YARS2: variants seen among roughly 807,000 people sequenced by gnomAD.
YARS2 encodes the protein tyrosyl-tRNA synthetase 2, also known as tyrosine--tRNA ligase, mitochondrial.
YARS2 carries 38 observed loss-of-function variants against 45.0 expected under a neutral mutation model. That is an observed-to-expected ratio of 0.84 (90% CI 0.65 to 1.11). The LOEUF is 1.11. Ranked by LOEUF, YARS2 falls within the 50% of genes least tolerant of loss-of-function variation. YARS2 has a pLI of 0.00. For synonymous variants in YARS2, 287 were observed against 245.1 expected (o/e 1.17, Z -1.60); for missense variants, 602 against 599.8 (o/e 1.00, Z -0.04).
intron 4 of YARS2, 21 bp downstream of exon 4, chr12:32,749,915 TC>T: frequency 6.2e-7 from 1 of 1,613,514 alleles, no homozygotes; most frequent in East Asian, 2.2e-5. Flanking sequence ...TAACTGTAAA[TC>T]TAAAAGTTAA....
In YARS2 at chr12:32,755,777, G is replaced by A. The variant is rs748941040; in HGVS notation, c.98C>T (p.Ser33Leu). The A allele has an allele frequency of 9.9e-6, 16 of 1,613,780 alleles. No homozygotes were observed. Among genetic ancestry groups the A allele is most frequent in the East Asian group, 6.7e-5 (3 of 44,884 alleles). The change falls in exon 1 of 5, where the codon TCG becomes TTG. Residue 33 changes from serine to leucine, a missense_variant. By Grantham distance (145) the Ser-to-Leu change is moderately radical (BLOSUM62 -2). Transcript: ENST00000324868. ...CGCTGCCAGTAACCCCTGAGCGCCC[G>A]AGTGGGCCTTACGCAGCCCCAAGGG... Reference protein sequence around the residue: ...LLPLGLRKAHSGAQGLLAAQK... With the variant: ...LLPLGLRKAHLGAQGLLAAQK...
chr12:32,755,886 C>T lies in YARS2; in HGVS notation c.-12G>A. 1 of 1,612,762 alleles carries T rather than the reference C, an allele frequency of 6.2e-7. No individual in the cohort carries two copies. Among genetic ancestry groups the T allele is most frequent in the Non-Finnish European group, 8.5e-7 (1 of 1,179,984 alleles). On this transcript the variant is annotated 5_prime_UTR_variant, in exon 1 of 5. Coordinates refer to ENST00000324868, the MANE Select transcript of YARS2 (RefSeq NM_001040436.3). ...ATGGGCGCCGCCATCTTGGTAGCGG[C>T]ACGAAGGGAATGCTGGGATTGCAGA...
At chr12:32,749,099 T>C (rs1955692138) in intron 4 of YARS2, among the ~76,000 whole-genome samples, 1 of 152,362 alleles carries the variant, frequency 6.6e-6, no homozygotes, top group African/African-American at 2.4e-5. Flanking sequence ...TTTACAATAA[T>C]AGTCTTATGA....
chr12:32,754,468 C>A (rs1359944223), intron 1 of YARS2, among the ~76,000 whole-genome samples: 1 of 152,160 alleles, frequency 6.6e-6, no homozygotes, highest in Non-Finnish European at 1.5e-5. Context: ...TCACCTCTCT[C>A]AAGAAAATGC....
intron 2 of YARS2, among the ~76,000 whole-genome samples, chr12:32,751,857 C>G (rs10771989): frequency 1.3e-5 from 2 of 152,090 alleles, no homozygotes; most frequent in Non-Finnish European, 2.9e-5. Flanking sequence ...GCTCCTGTTG[C>G]GCAGCCCTGT....
chr12:32,747,152 C>G lies in YARS2; in HGVS notation c.*52G>C. 1 of 1,598,984 alleles carries G rather than the reference C, an allele frequency of 6.3e-7. No individual in the cohort carries two copies. The highest frequency in any genetic ancestry group is 2.3e-4 in the Middle Eastern group (1 of 4,392). On this transcript the variant is annotated 3_prime_UTR_variant, in exon 5 of 5. Coordinates refer to ENST00000324868, the MANE Select transcript of YARS2 (RefSeq NM_001040436.3). ...GTTCTGGAGCCAACCCTTCAGAGGT[C>G]TTGAGAATGAATGATGGGTAAGTTT...
intron 2 of YARS2, among the ~76,000 whole-genome samples, chr12:32,751,260 G>A (rs1250933160): frequency 2.0e-5 from 3 of 151,482 alleles, no homozygotes; most frequent in African/African-American, 2.4e-5. Context: ...GTAAAGACGG[G>A]GTCTCCTGTG....
At position 32,746,675 on chromosome 12, in the gene YARS2, T is replaced by C. The variant is rs1014967224; in HGVS notation, c.*529A>G. On this transcript the variant is annotated 3_prime_UTR_variant, in exon 5 of 5. Transcript: ENST00000324868. ...AGCTCAGCCTCTTGAGTAGCTGGGG[T>C]TACAGGTGCCTGCAACCACATCTGG... The C allele has an allele frequency of 1.9e-5, 3 of 157,016 alleles. No homozygotes were observed. The highest frequency in any genetic ancestry group is 7.3e-5 in the African/African-American group (3 of 41,358). The allele number at this position is 157,016 out of a possible 1,614,324, so 9.7% of individuals were successfully genotyped here. A position where few individuals can be genotyped will look rare whatever the true frequency, so the allele number is the denominator to read the frequency against.
chr12:32,750,214 T>C (rs10844339), intron 3 of YARS2, 107 bp from the exon 4 acceptor site: 5 of 1,382,228 alleles, frequency 3.6e-6, no homozygotes, highest in South Asian at 1.3e-5. Flanking sequence ...CTAAAAGTTT[T>C]TTTTTGAGAT....
rs762813092 is a variant in YARS2, at chr12:32,755,241, C to G, written c.634G>C (p.Glu212Gln). The change falls in exon 1 of 5, where the codon GAG becomes CAG. Residue 212 changes from glutamate (E) to glutamine (Q), a missense_variant. By Grantham distance (29) the Glu-to-Gln change is conservative. Coordinates refer to ENST00000324868, the MANE Select transcript of YARS2 (RefSeq NM_001040436.3). ...AAGAACTCGGCCAAGCTCATGCCCTCGGGGCTCTTGAGCCGCAGCTGCACG... is the reference window on the plus strand; with the variant it reads ...AAGAACTCGGCCAAGCTCATGCCCTGGGGGCTCTTGAGCCGCAGCTGCACG... Reference protein sequence around the residue: ...QSVQLRLKSPEGMSLAEFFYQ... With the variant: ...QSVQLRLKSPQGMSLAEFFYQ... The G allele has an allele frequency of 6.2e-7, 1 of 1,614,156 alleles. No individual in the cohort carries two copies. The highest frequency in any genetic ancestry group is 8.5e-7 in the Non-Finnish European group (1 of 1,180,032).
chr12:32,750,824 A>G lies in YARS2; in HGVS notation c.998T>C (p.Met333Thr), dbSNP rs1405794412. The change falls in exon 3 of 5, where the codon ATG becomes ACG. Residue 333 changes from methionine to threonine, a missense_variant. Coordinates refer to ENST00000324868, the MANE Select transcript of YARS2 (RefSeq NM_001040436.3). ...FLPLPEIDHI[M>T]QLHVKEPERR... ...TTCTGGCTCTTTGACATGCAGCTGC[A>G]TGATATGATCAATCTCTGGAAGGGG... is the stretch of plus-strand genomic sequence containing the variant. The G allele has an allele frequency of 6.2e-7, 1 of 1,614,210 alleles. No homozygotes were observed. The highest frequency in any genetic ancestry group is 8.5e-7 in the Non-Finnish European group (1 of 1,180,036).
In YARS2 at chr12:32,755,794, C is replaced by T; in HGVS notation, c.81G>A (p.Gly27=). Residue 27 remains glycine, a synonymous_variant, in exon 1 of 5, where the codon GGG becomes GGA. Coordinates refer to ENST00000324868, the MANE Select transcript of YARS2 (RefSeq NM_001040436.3). ...GAGCGCCCGAGTGGGCCTTACGCAG[C>T]CCCAAGGGCAACAATACTGAGAGAT... ...TLNLSVLLPL[G]LRKAHSGAQG... is the part of the protein sequence containing the mutation. The T allele has an allele frequency of 6.2e-7, 1 of 1,613,878 alleles. No individual in the cohort carries two copies.
chr12:32,751,320 A>T (rs1389307830), intron 2 of YARS2, among the ~76,000 whole-genome samples: 1 of 152,060 alleles, frequency 6.6e-6, no homozygotes, highest in Non-Finnish European at 1.5e-5. Flanking sequence ...CTCTTGTCTC[A>T]GCCTCCCAAA....
At chr12:32,749,875 C>G (rs1955705282) in intron 4 of YARS2, 62 bp downstream of exon 4, 1 of 1,598,692 alleles carries the variant, frequency 6.3e-7, no homozygotes, top group African/African-American at 1.3e-5. Context: ...CTTCTCCTGG[C>G]CTTGTGAACT....
In YARS2 at chr12:32,750,072, G is replaced by A. The variant is rs1185943012; in HGVS notation, c.1139C>T (p.Ala380Val). ...CTCCTGATCAGACATGACCTCCAGT[G>A]CATCTATGCTACTGTGATAAAGGGC... is the stretch of plus-strand genomic sequence containing the variant. Reference protein sequence around the residue: ...TQALYHSSIDALEVMSDQELK... With the variant: ...TQALYHSSIDVLEVMSDQELK... Residue 380 changes from alanine to valine, a missense_variant, in exon 4 of 5, where the codon GCA becomes GTA. Ala to Val is a moderately conservative substitution (Grantham distance 64). Coordinates refer to ENST00000324868, the MANE Select transcript of YARS2 (RefSeq NM_001040436.3). 6.2e-7 allele frequency: 1 copy of A among 1,613,994 alleles called. No individual in the cohort carries two copies. Among genetic ancestry groups the A allele is most frequent in the Admixed American group, 1.7e-5 (1 of 60,008 alleles).
At chr12:32,750,494 C>G (rs983344668) in intron 3 of YARS2, among the ~76,000 whole-genome samples, 1 of 152,184 alleles carries the variant, frequency 6.6e-6, no homozygotes, top group Non-Finnish European at 1.5e-5. Context: ...AGCCACCGCG[C>G]CCGGCATAGA....
chr12:32,750,393 G>T (rs1955718607), intron 3 of YARS2, among the ~76,000 whole-genome samples: 1 of 152,032 alleles, frequency 6.6e-6, no homozygotes, highest in Non-Finnish European at 1.5e-5. Flanking sequence ...GTAGAGATGG[G>T]GGTTTCACCA....
chr12:32,754,390 A>G (rs1250276553), intron 1 of YARS2, among the ~76,000 whole-genome samples: 2 of 152,220 alleles, frequency 1.3e-5, no homozygotes, highest in Admixed American at 6.5e-5. Flanking sequence ...AAGAGACACT[A>G]AAGGAAATCT....
In YARS2 at chr12:32,755,573, A is replaced by C. The variant is rs747938702; in HGVS notation, c.302T>G (p.Leu101Trp). ...HLLALLGLFH[L>W]QRAGHNVIAL... Reference sequence around the variant, plus strand: ...GATCACGTTGTGGCCCGCTCGCTGCAAATGAAACAGGCCCAGCAGCGCAAG... The same window carrying C: ...GATCACGTTGTGGCCCGCTCGCTGCCAATGAAACAGGCCCAGCAGCGCAAG... The change falls in exon 1 of 5, where the codon TTG (leucine) becomes TGG (tryptophan). Residue 101 changes from leucine to tryptophan, a missense_variant. Coordinates refer to ENST00000324868, the MANE Select transcript of YARS2 (RefSeq NM_001040436.3). 6.2e-7 allele frequency: 1 copy of C among 1,613,852 alleles called. No individual in the cohort carries two copies. Among genetic ancestry groups the C allele is most frequent in the Non-Finnish European group, 8.5e-7 (1 of 1,179,896 alleles).
Sources: allele counts gnomAD v4.1 joint callset (sites outside exome capture counted in the v4.1 genomes callset), GRCh38; gene constraint gnomAD v4.1.1; transcripts MANE v1.5; gene names NCBI Gene and HGNC (gene_info 2026-07-23, HGNC 2026-07-21).